The following PSCA variants were observed in gnomAD, a reference collection of about 807,000 sequenced individuals.
The protein encoded by PSCA is prostate stem cell antigen.
A neutral mutation model predicts 7.9 loss-of-function variants in PSCA; 7 were observed. The ratio of observed to expected loss-of-function variants is 0.89; its 90% CI spans 0.51 to 1.67. The LOEUF is 1.67. PSCA is among the 40% of genes most tolerant of loss of function. The pLI, the probability that PSCA is intolerant of heterozygous loss-of-function variation, is 0.00. For synonymous variants in PSCA, 61 were observed against 68.3 expected (o/e 0.89, Z 0.53); for missense variants, 151 against 147.9 (o/e 1.02, Z -0.11).
At chr8:142,681,130 C>T (rs1847458253) in intron 1 of PSCA, 197 bp from the exon 2 acceptor site, 1 of 565,166 alleles carries the variant, frequency 1.8e-6, no homozygotes, top group Non-Finnish European at 3.2e-6. Context: ...AAAGCAGCCA[C>T]CGAGGGACTA....
rs587754037 is a variant in PSCA at position 142,681,971 on chromosome 8, G to A, written c.184G>A (p.Val62Met). ...VISKGCSLNC[V>M]DDSQDYYVGK... ...CAGCAAAGGCTGCAGCTTGAACTGCGTGGATGACTCACAGGACTACTACGT... is the reference window on the plus strand; with the variant it reads ...CAGCAAAGGCTGCAGCTTGAACTGCATGGATGACTCACAGGACTACTACGT... Residue 62 changes from valine to methionine, a missense_variant, in exon 3 of 3, where the codon GTG becomes ATG. Coordinates refer to ENST00000301258, the MANE Select transcript of PSCA (RefSeq NM_005672.5). The A allele has an allele frequency of 3.6e-5, 57 of 1,603,772 alleles. No homozygotes were observed. The highest frequency in any genetic ancestry group is 1.7e-4 in the Middle Eastern group (1 of 6,040).
rs1174786977 is a variant in PSCA at position 142,682,567 on chromosome 8, G to C, written c.*435G>C. The C allele has an allele frequency of 2.5e-6, 1 of 402,668 alleles. No homozygotes were observed. Among genetic ancestry groups the C allele is most frequent in the Non-Finnish European group, 5.0e-6 (1 of 200,458 alleles). The allele number at this position is 402,668 out of a possible 1,614,324, so 24.9% of individuals were successfully genotyped here. ...TAAAGGCTGAGATGAAGTGGACTGA[G>C]TAGAACTGGAGGACAGGAGTCGACG... On this transcript the variant is annotated 3_prime_UTR_variant, in exon 3 of 3. Coordinates refer to ENST00000301258, the MANE Select transcript of PSCA (RefSeq NM_005672.5).
chr8:142,678,051 G>A (rs1370931020), upstream of PSCA, among the ~76,000 whole-genome samples: 1 of 152,134 alleles, frequency 6.6e-6, no homozygotes, highest in East Asian at 1.9e-4. Context: ...GACTCAAGGT[G>A]AGACAGTGGG....
upstream of PSCA, chr8:142,680,231 G>A (rs917812120): frequency 4.4e-6 from 2 of 456,076 alleles, no homozygotes; most frequent in Non-Finnish European, 4.0e-6. Flanking sequence ...AGGTGGGGGA[G>A]GTGGGAGAGG....
rs587669127 is a variant in PSCA at position 142,673,400 on chromosome 8, C to T, written n.261+2832C>T. On this transcript the variant is annotated intron_variant and non_coding_transcript_variant, in intron 1 of 1. Coordinates refer to the PSCA transcript ENST00000505305. The surrounding 1 kb of genome is among the most constrained non-coding windows in gnomAD (Gnocchi z 4.6). ...ACTCACGGAACCTTGGGCCTCTTCTCGAGGACCAAGTCCATTCTGACACTG... is the reference window on the plus strand; with the variant it reads ...ACTCACGGAACCTTGGGCCTCTTCTTGAGGACCAAGTCCATTCTGACACTG... Among the ~76,000 whole-genome samples, 1 of 152,216 alleles carries T rather than the reference C, an allele frequency of 6.6e-6. No homozygotes were observed. Among genetic ancestry groups the T allele is most frequent in the East Asian group, 1.9e-4 (1 of 5,162 alleles).
chr8:142,672,194 A>T (rs2129851612), intron 1 of PSCA, among the ~76,000 whole-genome samples: 2 of 152,140 alleles, frequency 1.3e-5, no homozygotes, highest in Non-Finnish European at 2.9e-5. Context: ...CAGCCTCAAC[A>T]GTCTCCATCC....
chr8:142,677,613 C>T (rs782108066), upstream of PSCA, among the ~76,000 whole-genome samples: 5 of 148,454 alleles, frequency 3.4e-5, no homozygotes, highest in Admixed American at 6.7e-5. Flanking sequence ...CGAGCTGGGG[C>T]GGGGGGCGGA....
chr8:142,681,081 C>T (rs1847457469), intron 1 of PSCA: 2 of 518,766 alleles, frequency 3.9e-6, no homozygotes, highest in Non-Finnish European at 7.0e-6. Context: ...TCAGTCACCC[C>T]CACAGCCGCA....
intron 1 of PSCA, 146 bp downstream of exon 1, chr8:142,680,709 C>G: frequency 8.7e-7 from 1 of 1,143,490 alleles, no homozygotes; most frequent in Non-Finnish European, 1.2e-6. Context: ...GCCTCCGCTC[C>G]TCCAGGGAAG....
upstream of PSCA, among the ~76,000 whole-genome samples, chr8:142,677,369 C>T (rs1554637910): frequency 6.6e-6 from 1 of 152,228 alleles, no homozygotes. Context: ...TAGAGGCCAG[C>T]AGCACCCCTG....
At chr8:142,675,868 C>A (rs2978979), upstream of PSCA, 68,260 of 152,148 alleles carry the variant, frequency 0.45, 15,454 homozygotes, top group Admixed American at 0.51. Flanking sequence ...TTTTCCAAAG[C>A]AAAGATGCTA....
rs1250378206 is a variant in PSCA, at chr8:142,682,696, G to A, written c.*564G>A. 9.3e-6 allele frequency: 3 copies of A among 322,734 alleles called. No homozygotes were observed. The highest frequency in any genetic ancestry group is 1.5e-4 in the East Asian group (2 of 13,006). 20.0% of individuals were successfully genotyped at this position (322,734 alleles called of 1,614,324 possible). ...GAATGGCAGCCTCAGCACAGCGTAG[G>A]CCCTTAATAAACACCTGTTGGATAA... is the stretch of plus-strand genomic sequence containing the variant. On this transcript the variant is annotated 3_prime_UTR_variant, in exon 3 of 3. Transcript: ENST00000301258.
Position 142,681,131 on chromosome 8 carries a change from C to G in PSCA, c.26-196C>G, listed in dbSNP as rs1419067573. 7.1e-6 allele frequency: 4 copies of G among 565,038 alleles called. No homozygotes were observed. The African/African-American group carries it at 7.5e-5, about 11-fold the overall frequency. 35.0% of individuals were successfully genotyped at this position (565,038 alleles called of 1,614,324 possible). ...AACACACGGTCACAAAAGCAGCCACCGAGGGACTAAACAGGGCAACATTTC... is the reference window on the plus strand; with the variant it reads ...AACACACGGTCACAAAAGCAGCCACGGAGGGACTAAACAGGGCAACATTTC... On this transcript the variant is annotated intron_variant, in intron 1 of 2. Transcript: ENST00000301258.
In PSCA at chr8:142,682,392, C is replaced by A. The variant is rs1554638553; in HGVS notation, c.*260C>A. The A allele has an allele frequency of 1.4e-6, 1 of 692,766 alleles. No homozygotes were observed. The allele number at this position is 692,766 out of a possible 1,614,324, so 42.9% of individuals were successfully genotyped here. ...CTCCAACCCTCTCTGCTGCTGTTTC[C>A]ATGGCCCAGCATTCTCCACCCTTAA... On this transcript the variant is annotated 3_prime_UTR_variant, in exon 3 of 3. Transcript: ENST00000301258.
chr8:142,677,782 A>T (rs150468329), upstream of PSCA, among the ~76,000 whole-genome samples: 901 of 152,262 alleles, frequency 5.9e-3, 8 homozygotes, highest in African/African-American at 0.021. Flanking sequence ...GGGAGGCTGC[A>T]GTCACCCTGC....
Position 142,682,144 on chromosome 8 carries a change from C to A in PSCA, c.*12C>A. The A allele has an allele frequency of 6.3e-7, 1 of 1,591,120 alleles. No homozygotes were observed. On this transcript the variant is annotated 3_prime_UTR_variant, in exon 3 of 3. Coordinates refer to ENST00000301258, the MANE Select transcript of PSCA (RefSeq NM_005672.5). ...CCGGCCAGCTCTAGGCTCTGGGGGG[C>A]CCCGCTGCAGCCCACACTGGGTGTG...
At chr8:142,677,299 G>A (rs1294569709), upstream of PSCA, among the ~76,000 whole-genome samples, 4 of 152,178 alleles carry the variant, frequency 2.6e-5, no homozygotes, top group Admixed American at 2.0e-4. Context: ...GGCGGATGCT[G>A]GGGCTGCGGA....
At position 142,673,539 on chromosome 8, in the gene PSCA, G is replaced by T. The variant is rs587717190; in HGVS notation, n.261+2971G>T. On this transcript the variant is annotated intron_variant and non_coding_transcript_variant, in intron 1 of 1. Transcript: ENST00000505305. This position sits in a 1 kb window ranked among gnomAD's most constrained non-coding sequence, Gnocchi z 4.6. The stretch of plus-strand genomic sequence containing the variant: ...AGCAAGACAGGGGAATTGCCATAGA[G>T]AAAGAGTTTAATTCATGCAGAGCCA... Among the ~76,000 whole-genome samples the T allele has an allele frequency of 6.6e-6, 1 of 152,376 alleles. No individual in the cohort carries two copies. Among genetic ancestry groups the T allele is most frequent in the Admixed American group, 6.5e-5 (1 of 15,312 alleles).
intron 2 of PSCA, 111 bp from the exon 3 acceptor site, chr8:142,681,810 G>A (rs1175881972): frequency 6.3e-6 from 5 of 799,166 alleles, no homozygotes; most frequent in African/African-American, 5.3e-5. Flanking sequence ...CCTGAGGCCA[G>A]CCCAGGGGGA....
Sources: gnomAD v4.1 joint callset for allele counts (sites outside exome capture counted in the v4.1 genomes callset) on GRCh38, gnomAD v4.1.1 for gene constraint, Gnocchi (gnomAD v3.1) non-coding constraint, MANE v1.5 for transcripts, NCBI Gene and HGNC (gene_info 2026-07-23, HGNC 2026-07-21) for gene names.